Variants in EPHA5 observed in about 807,000 individuals in gnomAD.
EPHA5 encodes ephrin type-A receptor 5.
Under a neutral mutation model 105.0 loss-of-function variants are expected in EPHA5, and 60 were observed. That is an observed-to-expected ratio of 0.57 (90% CI 0.46 to 0.71). The LOEUF (loss-of-function observed/expected upper bound fraction) is 0.71. EPHA5 is among the 30% of genes least tolerant of loss of function. The pLI is 0.00. For synonymous variants in EPHA5, 513 were observed against 449.1 expected, an observed-to-expected ratio of 1.14 and a Z score of -1.80; for missense variants, 1,218 against 1,274.7, an observed-to-expected ratio of 0.96 and a Z score of 0.68.
At chr4:65,389,740 A>T (rs1720515110) in intron 8 of EPHA5, among the ~76,000 whole-genome samples, 1 of 152,058 alleles carries the variant, frequency 6.6e-6, no homozygotes, top group African/African-American at 2.4e-5. Flanking sequence ...AGGCATTGAG[A>T]ACTATTGGAG....
intron 3 of EPHA5, among the ~76,000 whole-genome samples, chr4:65,516,894 C>T (rs997527173): frequency 6.6e-6 from 1 of 151,494 alleles, no homozygotes; most frequent in Non-Finnish European, 1.5e-5. Context: ...TGAGACTAAC[C>T]AGACAGCACA....
intron 3 of EPHA5, among the ~76,000 whole-genome samples, chr4:65,582,797 C>T (rs1458713537): frequency 6.6e-6 from 1 of 151,592 alleles, no homozygotes; most frequent in Non-Finnish European, 1.5e-5. Context: ...CAAAAGTCTG[C>T]AAAGGTATAA....
At chr4:65,529,450 T>C (rs1166926639) in intron 3 of EPHA5, among the ~76,000 whole-genome samples, 1 of 152,082 alleles carries the variant, frequency 6.6e-6, no homozygotes, top group Non-Finnish European at 1.5e-5. Context: ...CAAATGCATA[T>C]TATATGCACA....
At chr4:65,642,855 CT>C (rs563812257) in intron 2 of EPHA5, among the ~76,000 whole-genome samples, 8 of 151,722 alleles carry the variant, frequency 5.3e-5, no homozygotes, top group Admixed American at 1.3e-4. Context: ...TTCTTGGAAT[CT>C]TTTTTTATCT....
chr4:65,367,128 C>A (rs576365932), intron 9 of EPHA5, among the ~76,000 whole-genome samples: 23 of 150,300 alleles, frequency 1.5e-4, no homozygotes, highest in Non-Finnish European at 3.0e-4. Flanking sequence ...TTGATTATAA[C>A]AAAAGTATTA....
At chr4:65,603,443 G>C (rs1037003300) in intron 2 of EPHA5, among the ~76,000 whole-genome samples, 4 of 151,646 alleles carry the variant, frequency 2.6e-5, no homozygotes, top group African/African-American at 9.7e-5. Flanking sequence ...AAAAAATCCA[G>C]AATGTGTGAT....
At chr4:65,586,277 T>G (rs932896175) in intron 3 of EPHA5, among the ~76,000 whole-genome samples, 2 of 151,748 alleles carry the variant, frequency 1.3e-5, no homozygotes, top group African/African-American at 2.4e-5. Flanking sequence ...TTGTACCCAA[T>G]TTAATATAAC....
chr4:65,522,819 TAC>T (rs1178901040), intron 3 of EPHA5, among the ~76,000 whole-genome samples: 1 of 151,992 alleles, frequency 6.6e-6, no homozygotes, highest in Non-Finnish European at 1.5e-5. Context: ...TCCAATTTAC[TAC>T]AGTTAAAATG....
intron 3 of EPHA5, among the ~76,000 whole-genome samples, chr4:65,530,431 TGTGC>T (rs1365186089): frequency 6.7e-6 from 1 of 148,530 alleles, no homozygotes; most frequent in Non-Finnish European, 1.5e-5. Context: ...TGTGTGTGTG[TGTGC>T]GTGTTTATGA....
chr4:65,448,391 T>C (rs1460106542), intron 5 of EPHA5, among the ~76,000 whole-genome samples: 1 of 152,208 alleles, frequency 6.6e-6, no homozygotes, highest in Non-Finnish European at 1.5e-5. Flanking sequence ...CTCATGCCTG[T>C]AATCCCAGCA....
intron 3 of EPHA5, among the ~76,000 whole-genome samples, chr4:65,551,549 A>G (rs1366069765): frequency 1.3e-5 from 2 of 152,068 alleles, no homozygotes; most frequent in Non-Finnish European, 2.9e-5. Context: ...TTTATAGTGA[A>G]TGATCACTAC....
At chr4:65,430,272 T>G (rs1433984655) in intron 5 of EPHA5, among the ~76,000 whole-genome samples, 1 of 152,036 alleles carries the variant, frequency 6.6e-6, no homozygotes, top group Non-Finnish European at 1.5e-5. Context: ...CCATATTTTT[T>G]GTTCCACTGG....
chr4:65,351,719 T>C (rs1041662358), intron 12 of EPHA5, 121 bp from the exon 13 acceptor site: 61 of 803,862 alleles, frequency 7.6e-5, no homozygotes, highest in Non-Finnish European at 9.9e-5. Flanking sequence ...ATGCAATTTC[T>C]ATCTGAAGGA....
chr4:65,393,746 T>C (rs1260570790), intron 8 of EPHA5, among the ~76,000 whole-genome samples: 1 of 152,222 alleles, frequency 6.6e-6, no homozygotes, highest in Non-Finnish European at 1.5e-5. Context: ...AGATCAATAA[T>C]TTCCTTTTAG....
chr4:65,449,572 A>G (rs1726883842), intron 5 of EPHA5, among the ~76,000 whole-genome samples: 1 of 152,188 alleles, frequency 6.6e-6, no homozygotes, highest in African/African-American at 2.4e-5. Context: ...TATTCATATA[A>G]CAATTATATA....
At chr4:65,460,198 AATAT>A (rs1727992172) in intron 5 of EPHA5, among the ~76,000 whole-genome samples, 1 of 151,482 alleles carries the variant, frequency 6.6e-6, no homozygotes, top group Non-Finnish European at 1.5e-5. Context: ...AGGAAATTTA[AATAT>A]ATATAGGGAA....
At chr4:65,611,652 C>T (rs1256500119) in intron 2 of EPHA5, among the ~76,000 whole-genome samples, 2 of 151,868 alleles carry the variant, frequency 1.3e-5, no homozygotes, top group African/African-American at 4.8e-5. Context: ...TTTCAGTCCT[C>T]ATTTTTCAGT....
At chr4:65,465,331 T>G (rs2149140453) in intron 5 of EPHA5, among the ~76,000 whole-genome samples, 1 of 151,184 alleles carries the variant, frequency 6.6e-6, no homozygotes, top group Admixed American at 6.6e-5. Context: ...AGGTACTAGG[T>G]AGGAGAATCG....
chr4:65,566,780 T>A (rs926878974), intron 3 of EPHA5, among the ~76,000 whole-genome samples: 1 of 151,892 alleles, frequency 6.6e-6, no homozygotes, highest in Non-Finnish European at 1.5e-5. Context: ...ATTATTACAT[T>A]TTTTTCTCCC....
Sources: allele counts gnomAD v4.1 joint callset (sites outside exome capture counted in the v4.1 genomes callset), GRCh38; gene constraint gnomAD v4.1.1; transcripts MANE v1.5; gene names NCBI Gene and HGNC (gene_info 2026-07-23, HGNC 2026-07-21).